Variants in FMN1 observed in about 807,000 individuals in gnomAD.
FMN1 encodes formin 1, also known as formin-1.
In FMN1, 110 loss-of-function variants were observed where a neutral mutation model predicts 132.4. The observed-to-expected ratio is 0.83, with a 90% CI of 0.71 to 0.97. The LOEUF (loss-of-function observed/expected upper bound fraction) is 0.97. FMN1 is among the 50% of genes least tolerant of loss of function. The probability of loss-of-function intolerance (pLI) is 0.00; values close to 1 mark genes in which losing one functional copy is unlikely to be tolerated. For synonymous variants in FMN1, 722 were observed against 651.7 expected (o/e 1.11, Z -1.64); for missense variants, 1,792 against 1,705.3 (o/e 1.05, Z -0.90).
intron 17 of FMN1, among the ~76,000 whole-genome samples, chr15:32,845,129 A>C (rs1305382301): frequency 6.6e-6 from 1 of 152,228 alleles, no homozygotes; most frequent in Non-Finnish European, 1.5e-5. Flanking sequence ...TGTATAAATC[A>C]AAGAGAAGTC....
chr15:32,955,305 G>A (rs1298564857), intron 9 of FMN1, among the ~76,000 whole-genome samples: 1 of 152,238 alleles, frequency 6.6e-6, no homozygotes, highest in Non-Finnish European at 1.5e-5. Context: ...GTGAGGGCAT[G>A]TGCAGGGGCT....
At chr15:33,070,469 GC>G (rs1330733081) in intron 5 of FMN1, among the ~76,000 whole-genome samples, 1 of 150,894 alleles carries the variant, frequency 6.6e-6, no homozygotes, top group East Asian at 1.9e-4. Context: ...AAGCTTCCAG[GC>G]CCCTCTATAG....
intron 19 of FMN1, among the ~76,000 whole-genome samples, chr15:32,793,821 A>C (rs1479939736): frequency 6.6e-6 from 1 of 152,244 alleles, no homozygotes; most frequent in African/African-American, 2.4e-5. Flanking sequence ...ACATGTTACA[A>C]GTTACTGAAA....
At chr15:33,015,941 G>T (rs919614135) in intron 6 of FMN1, among the ~76,000 whole-genome samples, 1 of 151,564 alleles carries the variant, frequency 6.6e-6, no homozygotes, top group African/African-American at 2.4e-5. Flanking sequence ...TGGACCAGGA[G>T]CATCAGCATC....
chr15:32,773,098 A>T lies in FMN1; in HGVS notation c.*1212T>A, dbSNP rs1372051316. The stretch of plus-strand genomic sequence containing the variant: ...TTTCAGAGACGTGGCTTAAAGACAA[A>T]AGTGTCAGAGAGGTCAAAGGTGGTT... On this transcript the variant is annotated 3_prime_UTR_variant, in exon 21 of 21. Transcript: ENST00000616417. The T allele has an allele frequency of 6.6e-6, 1 of 152,172 alleles. No individual in the cohort carries two copies. The highest frequency in any genetic ancestry group is 1.5e-5 in the Non-Finnish European group (1 of 68,046). 9.4% of individuals were successfully genotyped at this position (152,172 alleles called of 1,614,324 possible). A position where few individuals can be genotyped will look rare whatever the true frequency, so the allele number is the denominator to read the frequency against.
At chr15:32,952,252 T>G (rs1045326667) in intron 9 of FMN1, among the ~76,000 whole-genome samples, 2 of 152,204 alleles carry the variant, frequency 1.3e-5, no homozygotes, top group Admixed American at 1.3e-4. Flanking sequence ...CAAAGTATGC[T>G]TTAGGCGTTT....
At chr15:32,820,515 A>G (rs1234523221) in intron 17 of FMN1, among the ~76,000 whole-genome samples, 1 of 150,568 alleles carries the variant, frequency 6.6e-6, no homozygotes, top group East Asian at 1.9e-4. Flanking sequence ...GTCTCCCCCA[A>G]CACATATATA....
intron 17 of FMN1, among the ~76,000 whole-genome samples, chr15:32,806,831 G>C (rs11632555): frequency 6.6e-6 from 1 of 152,008 alleles, no homozygotes; most frequent in African/African-American, 2.4e-5. Flanking sequence ...TCCAGCTTCC[G>C]TAAATAAAAG....
At chr15:32,798,699 G>T in intron 19 of FMN1, 105 bp downstream of exon 19, 1 of 1,082,060 alleles carries the variant, frequency 9.2e-7, no homozygotes, top group Non-Finnish European at 1.3e-6. Context: ...CACTTCATCC[G>T]AAAGAAAACA....
chr15:33,095,486 C>T (rs1431799125), intron 4 of FMN1, among the ~76,000 whole-genome samples: 1 of 152,166 alleles, frequency 6.6e-6, no homozygotes, highest in Non-Finnish European at 1.5e-5. Context: ...GCCTTGGCCT[C>T]CTGTGCTCAG....
intron 4 of FMN1, among the ~76,000 whole-genome samples, chr15:33,139,845 T>C (rs1223766473): frequency 6.6e-6 from 1 of 152,174 alleles, no homozygotes; most frequent in Non-Finnish European, 1.5e-5. Flanking sequence ...TCATCTTTAC[T>C]ATTTAATTAT....
intron 4 of FMN1, among the ~76,000 whole-genome samples, chr15:33,126,408 G>A (rs191575582): frequency 1.2e-4 from 18 of 152,282 alleles, no homozygotes; most frequent in African/African-American, 3.9e-4. Context: ...TGGAGGCCCA[G>A]AGCTTCTGGA....
intron 6 of FMN1, among the ~76,000 whole-genome samples, chr15:33,046,847 C>CTT (rs3081663): frequency 0.71 from 107,859 of 151,812 alleles, 38,803 homozygotes; most frequent in Non-Finnish European, 0.76. Flanking sequence ...TGAGGCTAGT[C>CTT]AAGCTGTAGC....
At chr15:33,150,074 A>G (rs886855611) in intron 4 of FMN1, 5 of 985,348 alleles carry the variant, frequency 5.1e-6, no homozygotes, top group Non-Finnish European at 6.0e-6. Context: ...CAGTGACTTC[A>G]GTCAAAGGAA....
chr15:33,017,273 A>T (rs926295426), intron 6 of FMN1, among the ~76,000 whole-genome samples: 1 of 152,190 alleles, frequency 6.6e-6, no homozygotes, highest in African/African-American at 2.4e-5. Context: ...TTCAAAATCC[A>T]TCTTCAGTAC....
intron 7 of FMN1, among the ~76,000 whole-genome samples, chr15:32,985,031 C>T (rs1329168468): frequency 1.3e-5 from 2 of 148,678 alleles, no homozygotes; most frequent in Non-Finnish European, 3.0e-5. Context: ...TAACTCTATC[C>T]CTTCTTCAGA....
intron 3 of FMN1, among the ~76,000 whole-genome samples, chr15:33,165,613 A>G (rs1046186197): frequency 2.6e-5 from 4 of 152,096 alleles, no homozygotes; most frequent in African/African-American, 4.8e-5. Flanking sequence ...GGATGGTCTC[A>G]ATCTTCTTAC....
rs370781925 is a variant in FMN1, at chr15:33,008,027, A to G, written c.2210T>C (p.Ile737Thr). The G allele has an allele frequency of 1.9e-6, 3 of 1,601,032 alleles. No individual in the cohort carries two copies. Among genetic ancestry groups the G allele is most frequent in the South Asian group, 1.1e-5 (1 of 88,270 alleles). ...LHLKREHKEEIENLQAQFELR... is the reference protein window; with the variant it reads ...LHLKREHKEETENLQAQFELR... The stretch of plus-strand genomic sequence containing the variant: ...AAAGAGGCATACCTGCAGGTTTTCA[A>G]TTTCTTCTTTGTGCTCCCTCTTCAA... Residue 737 changes from isoleucine to threonine, a missense_variant, in exon 7 of 21, where the codon ATT (isoleucine) becomes ACT (threonine). Around this residue, in one of 3 missense-constraint regions of FMN1, gnomAD observed 1,150 missense variants for 1,043.1 expected, o/e 1.10. Transcript: ENST00000616417.
chr15:33,066,812 G>C (rs758826233), intron 5 of FMN1: 1 of 1,613,794 alleles, frequency 6.2e-7, no homozygotes, highest in Non-Finnish European at 8.5e-7. Context: ...TGCTCCCTTC[G>C]GTTCAGTTTT....
Sources: allele counts gnomAD v4.1 joint callset (sites outside exome capture counted in the v4.1 genomes callset), GRCh38; gene constraint gnomAD v4.1.1; regional missense constraint gnomAD v4.1.1; transcripts MANE v1.5; gene names NCBI Gene and HGNC (gene_info 2026-07-23, HGNC 2026-07-21).